TLDC2: variants seen among roughly 807,000 people sequenced by gnomAD.
TLDC2 encodes the protein TBC/LysM-associated domain containing 2.
In TLDC2, 23 loss-of-function variants were observed where a neutral mutation model predicts 27.9. The observed-to-expected ratio is 0.82, with a 90% CI of 0.59 to 1.17. The LOEUF is 1.17. Among genes scored for constraint, TLDC2 ranks in the 50% most tolerant of loss-of-function variants. The probability of loss-of-function intolerance (pLI) is 0.00; values close to 1 mark genes in which losing one functional copy is unlikely to be tolerated. For missense variants in TLDC2, 286 were observed against 273.4 expected (o/e 1.05, Z -0.32); for synonymous variants, 124 against 107.4 (o/e 1.16, Z -0.96).
Position 36,877,974 on chromosome 20 carries a change from C to T in TLDC2, c.109C>T (p.Pro37Ser). Reference sequence around the variant, plus strand: ...AGAGGAGGAGGAGGCAGCTCCAGACCCAGCTGCTGCTCCTGAGGATCCCAC... The same window carrying T: ...AGAGGAGGAGGAGGCAGCTCCAGACTCAGCTGCTGCTCCTGAGGATCCCAC... ...EEEEEEAAPD[P>S]AAAPEDPTVP... Residue 37 changes from proline to serine, a missense_variant, in exon 2 of 7, where the codon CCA (proline) becomes TCA (serine). Transcript: ENST00000217320. 1.2e-6 allele frequency: 2 copies of T among 1,614,100 alleles called. No homozygotes were observed. The highest frequency in any genetic ancestry group is 3.3e-5 in the Admixed American group (2 of 60,016).
rs1555830170 is a variant in TLDC2, at chr20:36,890,418, C to CTTTCTTTCTTTCTTTCTTTCTTTCT, written c.*17+1018_*17+1019insCTTTCTTTCTTTCTTTCTTTCTTTT. ...TTTCTCTTTCTTTCTTTCTTTCTTTCTTTTCTTTCTCTCTTTCCTTCCTTC... is the reference window on the plus strand; with the variant it reads ...TTTCTCTTTCTTTCTTTCTTTCTTTCTTTCTTTCTTTCTTTCTTTCTTTCTTTTTCTTTCTCTCTTTCCTTCCTTC... On this transcript the variant is annotated intron_variant, in intron 6 of 6. Coordinates refer to ENST00000217320, the MANE Select transcript of TLDC2 (RefSeq NM_080628.3). 1.1e-3 allele frequency: 19 copies of CTTTCTTTCTTTCTTTCTTTCTTTCT among 17,802 alleles called. No homozygotes were observed. The East Asian group carries it at 0.029, about 27-fold the overall frequency. The allele number at this position is 17,802 out of a possible 1,614,324, so 1.1% of individuals were successfully genotyped here.
chr20:36,883,883 C>T (rs1989865979), intron 4 of TLDC2, among the ~76,000 whole-genome samples: 1 of 152,124 alleles, frequency 6.6e-6, no homozygotes, highest in African/African-American at 2.4e-5. Context: ...CACTTGAGGT[C>T]AGGAGTTTGA....
chr20:36,880,797 C>T, intron 4 of TLDC2, 47 bp downstream of exon 4: 1 of 1,575,260 alleles, frequency 6.3e-7, no homozygotes, highest in South Asian at 1.1e-5. Context: ...TGTGGCGAGA[C>T]AAAGCTCCCG....
rs568077322 is a variant in TLDC2, at chr20:36,881,980, C to T, written c.438+1230C>T. ...AACCCATTCTGGGGCAGGGCCTGGA[C>T]GAGTCCACGTAGACAGTGAAGTTTA... On this transcript the variant is annotated intron_variant, in intron 4 of 6. Transcript: ENST00000217320. Among the ~76,000 whole-genome samples, 124 of 152,246 alleles carry T rather than the reference C, an allele frequency of 8.1e-4. 1 individual carries two copies. Among genetic ancestry groups the T allele is most frequent in the Admixed American group, 2.4e-3 (36 of 15,286 alleles).
chr20:36,884,023 GGTGGA>G (rs1989869288), intron 4 of TLDC2, among the ~76,000 whole-genome samples: 2 of 152,196 alleles, frequency 1.3e-5, no homozygotes, highest in African/African-American at 4.8e-5. Context: ...GAACCCGGGA[GGTGGA>G]GGTTGCAGTG....
chr20:36,876,296 T>C (rs1388133634), intron 1 of TLDC2, 89 bp downstream of exon 1: 3 of 1,558,646 alleles, frequency 1.9e-6, no homozygotes, highest in African/African-American at 2.7e-5. Context: ...TAGGGTTGGA[T>C]GCGGGCAGTG....
At chr20:36,881,204 C>T (rs1989807410) in intron 4 of TLDC2, among the ~76,000 whole-genome samples, 1 of 152,026 alleles carries the variant, frequency 6.6e-6, no homozygotes, top group Non-Finnish European at 1.5e-5. Context: ...CATAGTGAGA[C>T]CCCCATCTCT....
intron 5 of TLDC2, 58 bp from the exon 6 acceptor site, chr20:36,889,193 G>C: frequency 6.3e-7 from 1 of 1,590,180 alleles, no homozygotes; most frequent in Non-Finnish European, 8.6e-7. Context: ...TGGTGGCAGA[G>C]CCTGGGGGTT....
In TLDC2 at chr20:36,893,407, AC is replaced by A. The variant is rs2148352568; in HGVS notation, c.*567del. 2.6e-6 allele frequency: 1 copy of A among 385,072 alleles called. No homozygotes were observed. Among genetic ancestry groups the A allele is most frequent in the East Asian group, 5.5e-5 (1 of 18,136 alleles). The allele number at this position is 385,072 out of a possible 1,614,324, so 23.9% of individuals were successfully genotyped here. On this transcript the variant is annotated 3_prime_UTR_variant, in exon 7 of 7. Coordinates refer to ENST00000217320, the MANE Select transcript of TLDC2 (RefSeq NM_080628.3). ...CCAGGAGAAAGACGGGATGCACTGA[AC>A]CCCTAGCTTCTCTCTCGCCTGGTCC... is the stretch of plus-strand genomic sequence containing the variant.
intron 1 of TLDC2, among the ~76,000 whole-genome samples, chr20:36,877,124 G>A (rs1169687220): frequency 6.6e-6 from 1 of 152,072 alleles, no homozygotes; most frequent in African/African-American, 2.4e-5. Context: ...GGTGGCTCAC[G>A]CCTGTAATCC....
chr20:36,884,292 C>T (rs778069911), intron 4 of TLDC2, among the ~76,000 whole-genome samples: 10 of 152,182 alleles, frequency 6.6e-5, no homozygotes, highest in Non-Finnish European at 1.5e-4. Context: ...ACCACACTGG[C>T]CTCTGAGCTG....
intron 5 of TLDC2, among the ~76,000 whole-genome samples, chr20:36,887,993 G>A (rs1989961506): frequency 6.6e-6 from 1 of 152,112 alleles, no homozygotes; most frequent in Non-Finnish European, 1.5e-5. Context: ...TCCTGAGGGC[G>A]GGGATGAGAG....
intron 2 of TLDC2, 42 bp downstream of exon 2, chr20:36,878,096 C>A: frequency 6.3e-7 from 1 of 1,582,124 alleles, no homozygotes; most frequent in Non-Finnish European, 8.6e-7. Flanking sequence ...AGCCCTAAAC[C>A]TAAGAGTCTC....
At chr20:36,884,034 C>CA (rs1659479809) in intron 4 of TLDC2, among the ~76,000 whole-genome samples, 2 of 152,152 alleles carry the variant, frequency 1.3e-5, no homozygotes, top group African/African-American at 4.8e-5. Context: ...GTGGAGGTTG[C>CA]AGTGAGTTGA....
At chr20:36,890,157 T>C (rs1341777172) in intron 6 of TLDC2, 1 of 152,148 alleles carries the variant, frequency 6.6e-6, no homozygotes, top group East Asian at 1.9e-4. Flanking sequence ...ATGAAAGGAG[T>C]AAATGAGTAA....
intron 5 of TLDC2, among the ~76,000 whole-genome samples, chr20:36,889,021 C>CAATA (rs1027047276): frequency 6.0e-4 from 91 of 151,956 alleles, no homozygotes; most frequent in South Asian, 2.3e-3. Context: ...GACTCCGTTT[C>CAATA]AATAAATAAA....
chr20:36,878,706 C>A (rs1298694917), intron 2 of TLDC2, among the ~76,000 whole-genome samples: 1 of 151,992 alleles, frequency 6.6e-6, no homozygotes, highest in Non-Finnish European at 1.5e-5. Context: ...CTTTCCTATT[C>A]TCTAGCCTCT....
chr20:36,892,848 T>C lies in TLDC2; in HGVS notation c.*18-14T>C. ...AAATACAAAATTAAAGCATGAGTTG[T>C]CATTAATTTGCAGAATTCTATGATT... On this transcript the variant is annotated splice_polypyrimidine_tract_variant and intron_variant, in intron 6 of 6. Transcript: ENST00000217320. 1.3e-6 allele frequency: 2 copies of C among 1,529,538 alleles called. No individual in the cohort carries two copies. 94.7% of individuals were successfully genotyped at this position (1,529,538 alleles called of 1,614,324 possible). A position where few individuals can be genotyped will look rare whatever the true frequency, so the allele number is the denominator to read the frequency against.
chr20:36,887,908 G>A (rs1989958628), intron 5 of TLDC2, among the ~76,000 whole-genome samples: 3 of 152,238 alleles, frequency 2.0e-5, no homozygotes, highest in Admixed American at 1.3e-4. Context: ...CGGTGAGGAC[G>A]GGGTAGAGAG....
Sources: allele counts gnomAD v4.1 joint callset (sites outside exome capture counted in the v4.1 genomes callset), GRCh38; gene constraint gnomAD v4.1.1; transcripts MANE v1.5; gene names NCBI Gene and HGNC (gene_info 2026-07-23, HGNC 2026-07-21).